SV2B: variants seen among roughly 807,000 people sequenced by gnomAD.
SV2B encodes synaptic vesicle glycoprotein 2B.
Under a neutral mutation model 73.9 loss-of-function variants are expected in SV2B, and 41 were observed. That is an observed-to-expected ratio of 0.56 (90% confidence interval 0.43 to 0.72). SV2B has a LOEUF of 0.72. Among genes scored for constraint, SV2B ranks in the 30% least tolerant of loss-of-function variants. SV2B has a pLI of 0.00. For synonymous variants in SV2B, 314 were observed against 314.2 expected (o/e 1.00, Z 0.01); for missense variants, 764 against 857.8 (o/e 0.89, Z 1.37).
chr15:91,104,042 G>C (rs1349318471), intron 1 of SV2B, among the ~76,000 whole-genome samples: 1 of 152,198 alleles, frequency 6.6e-6, no homozygotes, highest in African/African-American at 2.4e-5. Flanking sequence ...ATTATTCAGA[G>C]CAAAGCAGCT....
rs1200617577 is a variant in SV2B at position 91,281,785 on chromosome 15, C to T, written c.1431C>T (p.Cys477=). 2 of 1,613,170 alleles carry T rather than the reference C, an allele frequency of 1.2e-6. No individual in the cohort carries two copies. Among genetic ancestry groups the T allele is most frequent in the Non-Finnish European group, 1.7e-6 (2 of 1,179,412 alleles). The change falls in exon 10 of 13, where the codon TGC becomes TGT. Residue 477 remains cysteine, a synonymous_variant. Coordinates refer to ENST00000394232, the MANE Select transcript of SV2B (RefSeq NM_001323032.3). This position sits in a 1 kb window ranked among gnomAD's most constrained non-coding sequence, Gnocchi z 4.7. ...VLFEDTFFDE[C]YFEDVTSTDT... is the part of the protein sequence containing the mutation. Reference sequence around the variant, plus strand: ...TTGAGGACACATTCTTTGACGAGTGCTATTTTGAAGACGTAACATCAACAG... The same window carrying T: ...TTGAGGACACATTCTTTGACGAGTGTTATTTTGAAGACGTAACATCAACAG...
intron 4 of SV2B, among the ~76,000 whole-genome samples, chr15:91,255,874 G>C (rs376896205): frequency 3.3e-5 from 5 of 152,280 alleles, no homozygotes; most frequent in African/African-American, 1.2e-4. Context: ...ACATTTGATG[G>C]TATTTTCCAA....
rs534889358 is a variant in SV2B, at chr15:91,252,188, C to G, written c.633-181C>G. ...AGGATTAGCCTCTGAAGTCAGCATGCAATGTCAAAATAATCCAAGACTGCT... is the reference window on the plus strand; with the variant it reads ...AGGATTAGCCTCTGAAGTCAGCATGGAATGTCAAAATAATCCAAGACTGCT... On this transcript the variant is annotated intron_variant, in intron 3 of 12. Coordinates refer to ENST00000394232, the MANE Select transcript of SV2B (RefSeq NM_001323032.3). This position sits in a 1 kb window ranked among gnomAD's most constrained non-coding sequence, Gnocchi z 4.6. Among the ~76,000 whole-genome samples, 4 of 152,182 alleles carry G rather than the reference C, an allele frequency of 2.6e-5. No individual in the cohort carries two copies. Among genetic ancestry groups the G allele is most frequent in the Admixed American group, 2.6e-4 (4 of 15,278 alleles).
At chr15:91,133,225 G>C (rs1003057168) in intron 1 of SV2B, among the ~76,000 whole-genome samples, 1 of 152,116 alleles carries the variant, frequency 6.6e-6, no homozygotes, top group Non-Finnish European at 1.5e-5. Context: ...ACTGGGTCTC[G>C]GGGCTAATTA....
intron 9 of SV2B, among the ~76,000 whole-genome samples, chr15:91,270,983 G>A (rs1174749550): frequency 2.6e-5 from 4 of 151,882 alleles, no homozygotes; most frequent in South Asian, 2.1e-4. Context: ...ATGGGCGGAC[G>A]GTGAGTCCTG....
Position 91,100,436 on chromosome 15 carries a change from C to A in SV2B, c.-392+73C>A, listed in dbSNP as rs974400023. 2.6e-5 allele frequency: 4 copies of A among 152,356 alleles called. No individual in the cohort carries two copies. Among genetic ancestry groups the A allele is most frequent in the African/African-American group, 9.6e-5 (4 of 41,472 alleles). 9.4% of individuals were successfully genotyped at this position (152,356 alleles called of 1,614,324 possible). A position where few individuals can be genotyped will look rare whatever the true frequency, so the allele number is the denominator to read the frequency against. On this transcript the variant is annotated intron_variant, in intron 1 of 12. Transcript: ENST00000394232. This position sits in a 1 kb window ranked among gnomAD's most constrained non-coding sequence, Gnocchi z 6.4. ...GCGGACCCCGCGTGCGCCAGGGCTC[C>A]CAGACTCGCCTGCCTGGGCTGAAAT... is the stretch of plus-strand genomic sequence containing the variant.
chr15:91,179,642 A>G (rs1458603697), intron 1 of SV2B, among the ~76,000 whole-genome samples: 2 of 152,152 alleles, frequency 1.3e-5, no homozygotes, highest in African/African-American at 4.8e-5. Flanking sequence ...CTTTACCATT[A>G]TATAATGGCC....
rs1281441388 is a variant in SV2B, at chr15:91,115,812, A to G, written c.-392+15449A>G. Among the ~76,000 whole-genome samples, 2 of 152,112 alleles carry G rather than the reference A, an allele frequency of 1.3e-5. No individual in the cohort carries two copies. Among genetic ancestry groups the G allele is most frequent in the East Asian group, 3.8e-4 (2 of 5,198 alleles). On this transcript the variant is annotated intron_variant, in intron 1 of 12. Coordinates refer to ENST00000394232, the MANE Select transcript of SV2B (RefSeq NM_001323032.3). This position sits in a 1 kb window ranked among gnomAD's most constrained non-coding sequence, Gnocchi z 4.3. ...TAATTCTCCCTAAAATGCCTTTTAC[A>G]TTTATTTATTTATTCAGCAAATGTT...
intron 1 of SV2B, among the ~76,000 whole-genome samples, chr15:91,133,053 C>T (rs2042705225): frequency 1.3e-5 from 2 of 152,140 alleles, no homozygotes; most frequent in Admixed American, 1.3e-4. Context: ...TGAGGGAGGC[C>T]ACATCATTAT....
chr15:91,129,773 A>G lies in SV2B; in HGVS notation c.-392+29410A>G, dbSNP rs1227752242. 6.6e-6 allele frequency among the ~76,000 whole-genome samples: 1 copy of G among 152,206 alleles called. No individual in the cohort carries two copies. Among genetic ancestry groups the G allele is most frequent in the Non-Finnish European group, 1.5e-5 (1 of 68,040 alleles). On this transcript the variant is annotated intron_variant, in intron 1 of 12. Transcript: ENST00000394232. The surrounding 1 kb of genome is among the most constrained non-coding windows in gnomAD (Gnocchi z 5.1). ...TGTGCCCTGGAGTTGGAGAGCCTGG[A>G]TTAGAATCCCAGCCCTGCCACTTAC...
rs1313583433 is a variant in SV2B, at chr15:91,106,691, C to T, written c.-392+6328C>T. Among the ~76,000 whole-genome samples the T allele has an allele frequency of 3.3e-5, 5 of 152,018 alleles. No individual in the cohort carries two copies. Among genetic ancestry groups the T allele is most frequent in the African/African-American group, 9.7e-5 (4 of 41,366 alleles). ...ATATTTTCAAAAAATGAGAAAAGATCCTTTAGAGGGAGGTGGCTGAAATTC... is the reference window on the plus strand; with the variant it reads ...ATATTTTCAAAAAATGAGAAAAGATTCTTTAGAGGGAGGTGGCTGAAATTC... On this transcript the variant is annotated intron_variant, in intron 1 of 12. Coordinates refer to ENST00000394232, the MANE Select transcript of SV2B (RefSeq NM_001323032.3). The surrounding 1 kb of genome is among the most constrained non-coding windows in gnomAD (Gnocchi z 4.4).
At chr15:91,285,128 A>G (rs368519332) in intron 11 of SV2B, among the ~76,000 whole-genome samples, 20 of 152,346 alleles carry the variant, frequency 1.3e-4, no homozygotes, top group African/African-American at 4.8e-4. Context: ...ATTTTGTTGG[A>G]GAAGAGAAAA....
chr15:91,194,613 G>C (rs1475376650), intron 1 of SV2B, among the ~76,000 whole-genome samples: 1 of 152,242 alleles, frequency 6.6e-6, no homozygotes, highest in Non-Finnish European at 1.5e-5. Context: ...CCTTGGGGCT[G>C]TGGAGAATGC....
intron 1 of SV2B, among the ~76,000 whole-genome samples, chr15:91,194,844 A>C (rs1207897224): frequency 6.6e-6 from 1 of 152,196 alleles, no homozygotes; most frequent in Non-Finnish European, 1.5e-5. Flanking sequence ...CAAGTGTGGC[A>C]GTGTGGCTAG....
intron 11 of SV2B, among the ~76,000 whole-genome samples, chr15:91,286,097 C>T (rs1231068586): frequency 1.3e-5 from 2 of 152,210 alleles, no homozygotes; most frequent in African/African-American, 4.8e-5. Flanking sequence ...TGTTTCTGCG[C>T]TAGAGGCAAG....
rs2047776323 is a variant in SV2B at position 91,258,359 on chromosome 15, C to T, written c.785-62C>T. ...AGTTTGTGAGCCAGGGCTTCAGAGT[C>T]ACTCTTCCGTAGAGGAAAAGATCAT... On this transcript the variant is annotated intron_variant, in intron 4 of 12. Transcript: ENST00000394232. The surrounding 1 kb of genome is among the most constrained non-coding windows in gnomAD (Gnocchi z 4.7). 2.5e-6 allele frequency: 4 copies of T among 1,591,624 alleles called. No homozygotes were observed. Among genetic ancestry groups the T allele is most frequent in the East Asian group, 2.2e-5 (1 of 44,716 alleles).
intron 9 of SV2B, among the ~76,000 whole-genome samples, chr15:91,271,025 TGATCGGAGGAC>T (rs2048294415): frequency 2.9e-5 from 4 of 137,902 alleles, no homozygotes; most frequent in African/African-American, 1.3e-4. Flanking sequence ...GTCCTGTGGA[TGATCGGAGGAC>T]GGTGAGTCCT....
At chr15:91,256,216 C>A (rs531286934) in intron 4 of SV2B, among the ~76,000 whole-genome samples, 1 of 152,304 alleles carries the variant, frequency 6.6e-6, no homozygotes, top group Non-Finnish European at 1.5e-5. Flanking sequence ...ACAGAACAAT[C>A]CCTTCCTCCA....
chr15:91,267,738 T>A lies in SV2B; in HGVS notation c.1208+95T>A, dbSNP rs1301553577. On this transcript the variant is annotated intron_variant, in intron 8 of 12. Coordinates refer to ENST00000394232, the MANE Select transcript of SV2B (RefSeq NM_001323032.3). The surrounding 1 kb of genome is among the most constrained non-coding windows in gnomAD (Gnocchi z 4.3). ...ACAGTGAGTTCTGACTTAGAATTTG[T>A]ATCAGGTAGGATGCTTTGGTGGCAA... The A allele has an allele frequency of 9.5e-7, 1 of 1,050,864 alleles. No homozygotes were observed. The highest frequency in any genetic ancestry group is 1.4e-6 in the Non-Finnish European group (1 of 691,004). The allele number at this position is 1,050,864 out of a possible 1,614,324, so 65.1% of individuals were successfully genotyped here.
Sources: allele counts gnomAD v4.1 joint callset (sites outside exome capture counted in the v4.1 genomes callset), GRCh38; gene constraint gnomAD v4.1.1; non-coding constraint Gnocchi (gnomAD v3.1); transcripts MANE v1.5; gene names NCBI Gene and HGNC (gene_info 2026-07-23, HGNC 2026-07-21).